Variants in TANGO6 observed in about 807,000 individuals in gnomAD.
TANGO6 encodes transport and golgi organization 6 homolog.
TANGO6 carries 90 observed loss-of-function variants against 114.2 expected under a neutral mutation model. The ratio of observed to expected loss-of-function variants is 0.79; its 90% confidence interval spans 0.66 to 0.94. The LOEUF (loss-of-function observed/expected upper bound fraction) is 0.94. Among genes scored for constraint, TANGO6 ranks in the 40% least tolerant of loss-of-function variants. TANGO6 has a pLI of 0.00. For missense variants in TANGO6, 1,274 were observed against 1,315.3 expected, an observed-to-expected ratio of 0.97 and a Z score of 0.49; for synonymous variants, 477 against 509.8, an observed-to-expected ratio of 0.94 and a Z score of 0.87.
chr16:68,974,248 G>T (rs763658029), intron 15 of TANGO6, 80 bp downstream of exon 15: 622 of 1,550,598 alleles, frequency 4.0e-4, no homozygotes, highest in Admixed American at 5.5e-4. Flanking sequence ...GTACCTGGGG[G>T]CTTGTTACAC....
At chr16:68,875,434 A>G (rs1962338936) in intron 5 of TANGO6, 144 bp downstream of exon 5, 5 of 1,094,506 alleles carry the variant, frequency 4.6e-6, no homozygotes, top group Non-Finnish European at 6.2e-6. Context: ...TAATAAATGA[A>G]TAAAAACCGG....
At chr16:69,012,556 C>CAAAAAAAAAAAAAAAA (rs1175561720) in intron 15 of TANGO6, among the ~76,000 whole-genome samples, 4 of 36,490 alleles carry the variant, frequency 1.1e-4, no homozygotes, top group Non-Finnish European at 1.5e-4. Flanking sequence ...AACTCTGTCT[C>CAAAAAAAAAAAAAAAA]AAAAAAAAAA....
chr16:68,921,502 T>G (rs1270019757), intron 12 of TANGO6, among the ~76,000 whole-genome samples: 1 of 151,860 alleles, frequency 6.6e-6, no homozygotes, highest in African/African-American at 2.4e-5. Context: ...TAAGTTGTAT[T>G]CTTATTGGAT....
At position 68,863,034 on chromosome 16, in the gene TANGO6, G is replaced by T. The variant is rs745432789; in HGVS notation, c.825G>T (p.Leu275=). 8.8e-6 allele frequency: 14 copies of T among 1,587,002 alleles called. No homozygotes were observed. The highest frequency in any genetic ancestry group is 1.1e-5 in the Non-Finnish European group (13 of 1,166,830). Reference sequence around the variant, plus strand: ...ATCAGCCCTTAGCAGTCCGGGAACTGCTTATCCTCCAGGGAGGACCACCCC... The same window carrying T: ...ATCAGCCCTTAGCAGTCCGGGAACTTCTTATCCTCCAGGGAGGACCACCCC... ...QVYQPLAVRE[L]LILQGGPPQS... The change falls in exon 3 of 18, where the codon CTG becomes CTT. Residue 275 remains leucine (L), a synonymous_variant. Coordinates refer to ENST00000261778, the MANE Select transcript of TANGO6 (RefSeq NM_024562.2).
At chr16:68,968,611 C>T (rs962911634) in intron 14 of TANGO6, among the ~76,000 whole-genome samples, 10 of 151,794 alleles carry the variant, frequency 6.6e-5, no homozygotes, top group Non-Finnish European at 1.2e-4. Context: ...GTGGTCCACC[C>T]GCCTCGGCCT....
At chr16:68,940,166 TCTTCCTTC>T (rs113183709) in intron 14 of TANGO6, among the ~76,000 whole-genome samples, 2 of 150,550 alleles carry the variant, frequency 1.3e-5, no homozygotes, top group South Asian at 2.1e-4. Flanking sequence ...TTCCTTCCTT[TCTTCCTTC>T]CTTCCTTCCT....
intron 17 of TANGO6, among the ~76,000 whole-genome samples, chr16:69,064,026 G>T (rs1340215560): frequency 6.6e-6 from 1 of 151,822 alleles, no homozygotes; most frequent in Non-Finnish European, 1.5e-5. Context: ...TAGCAGAGAC[G>T]GGGTTTCACC....
rs537206961 is a variant in TANGO6 at position 68,909,284 on chromosome 16, A to C, written c.1874A>C (p.Glu625Ala). ...CCCTTCTCCAGCAAGAGCCTCTTGG[A>C]ATTAGAGCAACATCAGACTCTTCTT... is the stretch of plus-strand genomic sequence containing the variant. ...TEPFSSKSLL[E>A]LEQHQTLLVE... Residue 625 changes from glutamate (E) to alanine (A), a missense_variant, in exon 11 of 18, where the codon GAA becomes GCA. This residue lies in a region of TANGO6 where 908 missense variants were observed against 910.2 expected (regional missense o/e 1.00). Coordinates refer to ENST00000261778, the MANE Select transcript of TANGO6 (RefSeq NM_024562.2). 12 of 1,611,198 alleles carry C rather than the reference A, an allele frequency of 7.4e-6. No individual in the cohort carries two copies. Among genetic ancestry groups the C allele is most frequent in the African/African-American group, 5.3e-5 (4 of 74,818 alleles).
intron 7 of TANGO6, among the ~76,000 whole-genome samples, chr16:68,888,901 C>G (rs1962574702): frequency 6.6e-6 from 1 of 152,178 alleles, no homozygotes; most frequent in African/African-American, 2.4e-5. Context: ...CAGCCTCTGC[C>G]TCCTAGGTTC....
At chr16:69,022,768 C>T in intron 15 of TANGO6, 60 bp from the exon 16 acceptor site, 1 of 1,508,120 alleles carries the variant, frequency 6.6e-7, no homozygotes, top group Non-Finnish European at 8.9e-7. Flanking sequence ...ATAATTCTTC[C>T]TTTTTTAAGA....
At chr16:69,012,580 G>GAA (rs745623750) in intron 15 of TANGO6, among the ~76,000 whole-genome samples, 2 of 108,528 alleles carry the variant, frequency 1.8e-5, no homozygotes, top group Non-Finnish European at 1.9e-5. Flanking sequence ...AAAAAAAAAG[G>GAA]AAAAAAAAAA....
At chr16:68,948,229 G>C (rs557277230) in intron 14 of TANGO6, 2 of 152,188 alleles carry the variant, frequency 1.3e-5, no homozygotes, top group South Asian at 4.2e-4. Context: ...AAGATGAACC[G>C]GCTACTTCAC....
chr16:68,926,472 C>G, intron 12 of TANGO6, among the ~76,000 whole-genome samples: 1 of 150,716 alleles, frequency 6.6e-6, no homozygotes, highest in South Asian at 2.1e-4. Context: ...CCAGCCTAGG[C>G]AGCAGAGCGA....
chr16:68,957,027 A>C (rs950197874), intron 14 of TANGO6, among the ~76,000 whole-genome samples: 1 of 152,278 alleles, frequency 6.6e-6, no homozygotes, highest in Non-Finnish European at 1.5e-5. Context: ...AAATGAAAGC[A>C]TATCTCCTAT....
Position 68,935,411 on chromosome 16 carries a change from G to C in TANGO6, c.2701+5116G>C, listed in dbSNP as rs376173939. On this transcript the variant is annotated intron_variant, in intron 14 of 17. Transcript: ENST00000261778. The stretch of plus-strand genomic sequence containing the variant: ...TGCAGTCTAGGTGGAGAGCAGAAGA[G>C]AATAAAATACAGCAGTTCATTCAAC... 5.3e-5 allele frequency among the ~76,000 whole-genome samples: 8 copies of C among 152,198 alleles called. No individual in the cohort carries two copies. The East Asian group carries it at 1.5e-3, about 29-fold the overall frequency.
At chr16:68,983,591 G>A (rs1189414843) in intron 15 of TANGO6, among the ~76,000 whole-genome samples, 1 of 152,116 alleles carries the variant, frequency 6.6e-6, no homozygotes, top group Non-Finnish European at 1.5e-5. Context: ...GGAGGGAGAG[G>A]CCTGTATGGA....
At chr16:69,051,373 G>A (rs941530939) in intron 17 of TANGO6, among the ~76,000 whole-genome samples, 4 of 151,844 alleles carry the variant, frequency 2.6e-5, no homozygotes, top group South Asian at 4.2e-4. Flanking sequence ...ATGAAACCCC[G>A]TCTCTACTAA....
At chr16:69,045,430 C>T (rs540484959) in intron 17 of TANGO6, among the ~76,000 whole-genome samples, 4 of 117,110 alleles carry the variant, frequency 3.4e-5, no homozygotes, top group Admixed American at 1.1e-4. Context: ...GGTGACTGAG[C>T]GAGACTCCAT....
At chr16:68,975,179 G>A (rs1480909407) in intron 15 of TANGO6, among the ~76,000 whole-genome samples, 4 of 152,172 alleles carry the variant, frequency 2.6e-5, no homozygotes. Flanking sequence ...TAAACAGGCT[G>A]TTACTAAACC....
Sources: allele counts gnomAD v4.1 joint callset (sites outside exome capture counted in the v4.1 genomes callset), GRCh38; gene constraint gnomAD v4.1.1; regional missense constraint gnomAD v4.1.1; transcripts MANE v1.5; gene names NCBI Gene and HGNC (gene_info 2026-07-23, HGNC 2026-07-21).